The following TRAPPC12 variants were observed in gnomAD, a reference collection of about 807,000 sequenced individuals.
The protein encoded by TRAPPC12 is trafficking protein particle complex subunit 12.
TRAPPC12 carries 61 observed loss-of-function variants against 69.2 expected under a neutral mutation model. The ratio of observed to expected loss-of-function variants is 0.88; its 90% CI spans 0.72 to 1.09. The LOEUF is 1.09. TRAPPC12 is among the 50% of genes least tolerant of loss of function. The pLI, the probability that TRAPPC12 is intolerant of heterozygous loss-of-function variation, is 0.00. For synonymous variants in TRAPPC12, 469 were observed against 438.9 expected (o/e 1.07, Z -0.86); for missense variants, 1,101 against 1,016.4 (o/e 1.08, Z -1.13).
At chr2:3,386,218 A>G (rs924338039) in intron 1 of TRAPPC12, among the ~76,000 whole-genome samples, 1 of 152,210 alleles carries the variant, frequency 6.6e-6, no homozygotes, top group African/African-American at 2.4e-5. Context: ...GTCATTTTTT[A>G]AGTAAAAAAG....
At chr2:3,404,498 G>A (rs554275528) in intron 3 of TRAPPC12, among the ~76,000 whole-genome samples, 35 of 151,964 alleles carry the variant, frequency 2.3e-4, no homozygotes, top group Admixed American at 6.6e-4. Flanking sequence ...AGAAAGTACC[G>A]AACATTGGCA....
intron 9 of TRAPPC12, among the ~76,000 whole-genome samples, chr2:3,473,669 C>T (rs1666166612): frequency 6.6e-6 from 1 of 152,100 alleles, no homozygotes; most frequent in Non-Finnish European, 1.5e-5. Flanking sequence ...GGGGGTCTTG[C>T]CATGTTGCCC....
chr2:3,471,193 G>C (rs1666043110), intron 9 of TRAPPC12, among the ~76,000 whole-genome samples: 2 of 152,200 alleles, frequency 1.3e-5, no homozygotes, highest in Admixed American at 6.5e-5. Context: ...CTTTTGAATA[G>C]CAATCCTTAT....
chr2:3,419,660 A>AAG (rs61674671), intron 3 of TRAPPC12, among the ~76,000 whole-genome samples: 1 of 151,676 alleles, frequency 6.6e-6, no homozygotes, highest in Admixed American at 6.6e-5. Context: ...AAAAAAAAAA[A>AAG]TCTACAAGAT....
rs1333974660 is a variant in TRAPPC12, at chr2:3,388,255, G to C, written c.632G>C (p.Gly211Ala). Reference protein sequence around the residue: ...QPSPSLSTFFGDTAASHSLAS... With the variant: ...QPSPSLSTFFADTAASHSLAS... Reference sequence around the variant, plus strand: ...AGCCCCAGCCTCAGCACGTTCTTCGGAGACACGGCCGCCAGCCACTCCTTG... The same window carrying C: ...AGCCCCAGCCTCAGCACGTTCTTCGCAGACACGGCCGCCAGCCACTCCTTG... Residue 211 changes from glycine (G) to alanine (A), a missense_variant, in exon 2 of 12, where the codon GGA becomes GCA. Gly to Ala is a moderately conservative substitution (Grantham distance 60, BLOSUM62 0). Coordinates refer to ENST00000324266, the MANE Select transcript of TRAPPC12 (RefSeq NM_016030.6). The C allele has an allele frequency of 1.9e-6, 3 of 1,608,470 alleles. No homozygotes were observed. Among genetic ancestry groups the C allele is most frequent in the East Asian group, 2.3e-5 (1 of 44,394 alleles).
intron 6 of TRAPPC12, chr2:3,456,522 C>T (rs1665162872): frequency 6.6e-6 from 1 of 152,384 alleles, no homozygotes; most frequent in African/African-American, 2.4e-5. Flanking sequence ...GCACGGTGCC[C>T]TGTAGGAATG....
intron 3 of TRAPPC12, 144 bp from the exon 4 acceptor site, chr2:3,421,737 A>T (rs779807059): frequency 1.3e-6 from 1 of 766,982 alleles, no homozygotes; most frequent in East Asian, 2.7e-5. Context: ...CCGTCAGCAC[A>T]CTGACGTTGT....
chr2:3,415,629 C>T (rs1227302860), intron 3 of TRAPPC12, among the ~76,000 whole-genome samples: 1 of 151,966 alleles, frequency 6.6e-6, no homozygotes, highest in Non-Finnish European at 1.5e-5. Context: ...CTCTCCAACT[C>T]CTGATCCCAG....
intron 9 of TRAPPC12, among the ~76,000 whole-genome samples, chr2:3,467,170 A>C (rs1665853305): frequency 6.6e-6 from 1 of 152,138 alleles, no homozygotes; most frequent in Non-Finnish European, 1.5e-5. Context: ...TGGCGCACAG[A>C]ATGTGCTAAC....
At chr2:3,401,312 A>T (rs1288992562) in intron 2 of TRAPPC12, among the ~76,000 whole-genome samples, 1 of 152,046 alleles carries the variant, frequency 6.6e-6, no homozygotes, top group African/African-American at 2.4e-5. Context: ...CATTGATGAG[A>T]TTTGGGAAGA....
At chr2:3,467,201 C>T (rs752746521) in intron 9 of TRAPPC12, among the ~76,000 whole-genome samples, 1 of 152,124 alleles carries the variant, frequency 6.6e-6, no homozygotes, top group East Asian at 1.9e-4. Context: ...GGGAAGCCCT[C>T]GGTGTTCGCT....
At chr2:3,397,771 C>G (rs953448840) in intron 2 of TRAPPC12, among the ~76,000 whole-genome samples, 16 of 152,212 alleles carry the variant, frequency 1.1e-4, no homozygotes, top group African/African-American at 3.9e-4. Flanking sequence ...CTCACACTTT[C>G]TCTGTCTCCC....
intron 7 of TRAPPC12, chr2:3,459,886 G>A: frequency 2.9e-6 from 1 of 339,320 alleles, no homozygotes. Context: ...CTGGCCAGTG[G>A]CCCTCCCAGC....
At position 3,387,947 on chromosome 2, in the gene TRAPPC12, G is replaced by C; in HGVS notation, c.324G>C (p.Pro108=). ...GDPGPEPAGT[P]SPSGEADGDC... ...CAGGCCCGGAGCCCGCGGGCACCCC[G>C]AGTCCCAGCGGCGAGGCCGACGGCG... Residue 108 remains proline, a synonymous_variant, in exon 2 of 12, where the codon CCG becomes CCC. Transcript: ENST00000324266. 1 of 1,495,478 alleles carries C rather than the reference G, an allele frequency of 6.7e-7. No homozygotes were observed. Among genetic ancestry groups the C allele is most frequent in the Non-Finnish European group, 8.9e-7 (1 of 1,125,824 alleles). The allele number at this position is 1,495,478 out of a possible 1,614,324, so 92.6% of individuals were successfully genotyped here.
intron 5 of TRAPPC12, among the ~76,000 whole-genome samples, chr2:3,442,095 C>T (rs1186236913): frequency 4.7e-5 from 5 of 107,180 alleles, no homozygotes; most frequent in African/African-American, 1.0e-4. Flanking sequence ...AAATTGAGAT[C>T]GGAGTATTAA....
At chr2:3,446,963 A>G (rs1430831463) in intron 6 of TRAPPC12, among the ~76,000 whole-genome samples, 1 of 152,246 alleles carries the variant, frequency 6.6e-6, no homozygotes, top group African/African-American at 2.4e-5. Flanking sequence ...AGAAGTGTGT[A>G]TTAGTCCATC....
intron 4 of TRAPPC12, among the ~76,000 whole-genome samples, chr2:3,422,428 AAAAG>A (rs1420503131): frequency 2.0e-5 from 3 of 152,236 alleles, no homozygotes; most frequent in East Asian, 1.9e-4. Context: ...AATTTAAAAA[AAAAG>A]AAAAAAGAAA....
At chr2:3,444,031 C>T (rs1394512741) in intron 6 of TRAPPC12, 140 bp downstream of exon 6, 14 of 634,928 alleles carry the variant, frequency 2.2e-5, no homozygotes, top group Admixed American at 8.1e-5. Flanking sequence ...CTAGGTGACC[C>T]GGTTTGTGTG....
rs767712606 is a variant in TRAPPC12, at chr2:3,443,843, A to C, written c.1482A>C (p.Pro494=). The C allele has an allele frequency of 6.2e-7, 1 of 1,614,144 alleles. No individual in the cohort carries two copies. The highest frequency in any genetic ancestry group is 1.1e-5 in the South Asian group (1 of 91,090). Residue 494 remains proline, a synonymous_variant, in exon 6 of 12, where the codon CCA becomes CCC. Transcript: ENST00000324266. ...HAELQQYLGN[P]QESLDRLHKV... Reference sequence around the variant, plus strand: ...AGCTTCAGCAGTACCTGGGGAACCCACAGGAGTCGCTGGATAGACTGCACA... The same window carrying C: ...AGCTTCAGCAGTACCTGGGGAACCCCCAGGAGTCGCTGGATAGACTGCACA...
Sources: gnomAD v4.1 joint callset for allele counts (sites outside exome capture counted in the v4.1 genomes callset) on GRCh38, gnomAD v4.1.1 for gene constraint, MANE v1.5 for transcripts, NCBI Gene and HGNC (gene_info 2026-07-23, HGNC 2026-07-21) for gene names.